ULK4: variants seen among roughly 807,000 people sequenced by gnomAD.
ULK4 encodes inactive serine/threonine-protein kinase ULK4.
ULK4 carries 133 observed loss-of-function variants against 160.6 expected under a neutral mutation model. That is an observed-to-expected ratio of 0.83 (90% confidence interval 0.72 to 0.96). ULK4 has a LOEUF of 0.96. ULK4 is among the 40% of genes least tolerant of loss of function. The probability of loss-of-function intolerance (pLI) is 0.00; values close to 1 mark genes in which losing one functional copy is unlikely to be tolerated. For missense variants in ULK4, 1,580 were observed against 1,499.5 expected (o/e 1.05, Z -0.89); for synonymous variants, 534 against 539.8 (o/e 0.99, Z 0.15).
chr3:41,282,182 C>G (rs902364361), intron 35 of ULK4, among the ~76,000 whole-genome samples: 27 of 152,216 alleles, frequency 1.8e-4, no homozygotes, highest in African/African-American at 6.5e-4. Context: ...ACATTCCATC[C>G]TCATGGATAG....
At chr3:41,664,523 G>A (rs577228422) in intron 29 of ULK4, among the ~76,000 whole-genome samples, 2 of 152,130 alleles carry the variant, frequency 1.3e-5, no homozygotes, top group Admixed American at 1.3e-4. Context: ...TTTTTATGAG[G>A]GGATGGTCAT....
chr3:41,303,855 C>T (rs1262327989), intron 35 of ULK4, among the ~76,000 whole-genome samples: 11 of 151,306 alleles, frequency 7.3e-5, no homozygotes, highest in Non-Finnish European at 8.8e-5. Flanking sequence ...CACAAGAGGT[C>T]GGGGCAGGGT....
rs370870905 is a variant in ULK4, at chr3:41,800,133, G to A, written c.2009C>T (p.Ser670Leu). The A allele has an allele frequency of 4.6e-5, 73 of 1,590,822 alleles. No individual in the cohort carries two copies. The highest frequency in any genetic ancestry group is 2.9e-4 in the East Asian group (13 of 44,164). ...TADSLRITAV[S>L]ALCRITRHSP... Reference sequence around the variant, plus strand: ...CCCCCAAAAGATGCTTCATCTTACCGATACTGCTGTTATCCTAAGAGAATC... The same window carrying A: ...CCCCCAAAAGATGCTTCATCTTACCAATACTGCTGTTATCCTAAGAGAATC... Residue 670 changes from serine (S) to leucine (L), a missense_variant and splice_region_variant, in exon 20 of 37, where the codon TCG becomes TTG. Physicochemically the swap from Ser to Leu is moderately radical, Grantham distance 145. Coordinates refer to ENST00000301831, the MANE Select transcript of ULK4 (RefSeq NM_017886.4).
At chr3:41,586,072 T>C (rs1339390539) in intron 31 of ULK4, among the ~76,000 whole-genome samples, 1 of 152,178 alleles carries the variant, frequency 6.6e-6, no homozygotes, top group Non-Finnish European at 1.5e-5. Flanking sequence ...GTGTAACCAT[T>C]ATGGAAAACA....
chr3:41,935,724 A>C, intron 4 of ULK4, 77 bp downstream of exon 4: 1 of 1,490,744 alleles, frequency 6.7e-7, no homozygotes, highest in Non-Finnish European at 9.0e-7. Context: ...ATTTTATCCA[A>C]AAATAACAAC....
chr3:41,788,456 G>C (rs1338002798), intron 21 of ULK4, among the ~76,000 whole-genome samples: 1 of 152,106 alleles, frequency 6.6e-6, no homozygotes, highest in Non-Finnish European at 1.5e-5. Context: ...AGGCCAAGGA[G>C]GGCGGATCAC....
At chr3:41,542,042 T>G (rs187316961) in intron 32 of ULK4, among the ~76,000 whole-genome samples, 9 of 152,350 alleles carry the variant, frequency 5.9e-5, no homozygotes, top group African/African-American at 1.9e-4. Context: ...GGCCAGAACT[T>G]CCAATATTAT....
intron 17 of ULK4, among the ~76,000 whole-genome samples, chr3:41,873,574 G>T (rs774490576): frequency 6.6e-6 from 1 of 152,036 alleles, no homozygotes; most frequent in Non-Finnish European, 1.5e-5. Flanking sequence ...TTGTTTTCGA[G>T]ATGGAGTCTC....
chr3:41,449,886 A>G (rs987542309), intron 34 of ULK4, among the ~76,000 whole-genome samples: 1 of 148,560 alleles, frequency 6.7e-6, no homozygotes, highest in Admixed American at 6.9e-5. Flanking sequence ...CCAGTTATCT[A>G]GTATAGCCAC....
intron 2 of ULK4, among the ~76,000 whole-genome samples, chr3:41,946,428 T>C (rs1717027): frequency 0.68 from 104,151 of 152,092 alleles, 39,197 homozygotes; most frequent in East Asian, 0.83. Flanking sequence ...TCTGGAGGAA[T>C]AGACAGACTG....
At position 41,832,555 on chromosome 3, in the gene ULK4, T is replaced by A. The variant is rs560376979; in HGVS notation, c.1764+3309A>T. On this transcript the variant is annotated intron_variant, in intron 18 of 36. Coordinates refer to ENST00000301831, the MANE Select transcript of ULK4 (RefSeq NM_017886.4). ...GCTCTTTAGTTTAATTAGATCCCAT[T>A]TGTCAATTTTGGGTTTTGATGCCAT... Among the ~76,000 whole-genome samples the A allele has an allele frequency of 2.6e-5, 4 of 152,258 alleles. 1 individual carries two copies. The highest frequency in any genetic ancestry group is 1.3e-4 in the Admixed American group (2 of 15,288).
chr3:41,676,594 T>TAA lies in ULK4; in HGVS notation c.2978+4912_2978+4913dup, dbSNP rs76058087. Among the ~76,000 whole-genome samples, 9 of 147,846 alleles carry TAA rather than the reference T, an allele frequency of 6.1e-5. No homozygotes were observed. In the East Asian group the frequency reaches 1.8e-3, roughly 29 times the overall value. ...TACATGACTTACAAACTTCTTCAGT[T>TAA]AAAAAAAAAAAATTCTGAAATTCTT... On this transcript the variant is annotated intron_variant, in intron 29 of 36. Coordinates refer to ENST00000301831, the MANE Select transcript of ULK4 (RefSeq NM_017886.4).
At chr3:41,794,685 A>AAAAAAAAAAC (rs1553654846) in intron 20 of ULK4, among the ~76,000 whole-genome samples, 13 of 129,084 alleles carry the variant, frequency 1.0e-4, no homozygotes, top group East Asian at 2.1e-4. Flanking sequence ...AAAAAAAAAA[A>AAAAAAAAAAC]ACACAGAAAA....
chr3:41,457,338 G>A (rs1379050176), intron 33 of ULK4, among the ~76,000 whole-genome samples: 3 of 152,124 alleles, frequency 2.0e-5, no homozygotes, highest in Non-Finnish European at 2.9e-5. Context: ...TGGTCCTCCA[G>A]ATCCTCCAAG....
At chr3:41,578,163 G>T (rs1282671306) in intron 31 of ULK4, among the ~76,000 whole-genome samples, 2 of 152,102 alleles carry the variant, frequency 1.3e-5, no homozygotes, top group East Asian at 1.9e-4. Context: ...TTACAGTCAG[G>T]GTTGAAATTT....
intron 32 of ULK4, 123 bp from the exon 33 acceptor site, chr3:41,463,376 C>T (rs1162568547): frequency 2.3e-6 from 2 of 861,438 alleles, no homozygotes; most frequent in Non-Finnish European, 3.4e-6. Flanking sequence ...TTAAACTATA[C>T]TCTTATCAGA....
chr3:41,832,362 T>G (rs971706111), intron 18 of ULK4, among the ~76,000 whole-genome samples: 1 of 152,358 alleles, frequency 6.6e-6, no homozygotes, highest in South Asian at 2.1e-4. Context: ...TCTGTTCATA[T>G]CCTTTGCCCA....
At chr3:41,862,005 T>A (rs998246069) in intron 17 of ULK4, among the ~76,000 whole-genome samples, 2 of 151,820 alleles carry the variant, frequency 1.3e-5, no homozygotes, top group Non-Finnish European at 2.9e-5. Context: ...AGAGACGGGG[T>A]TTCACCATGT....
intron 27 of ULK4, among the ~76,000 whole-genome samples, chr3:41,690,597 G>C (rs2036263307): frequency 6.6e-6 from 1 of 151,096 alleles, no homozygotes; most frequent in African/African-American, 2.4e-5. Context: ...TCTTTTCTTA[G>C]CTCTCCCACC....
Sources: gnomAD v4.1 joint callset for allele counts (sites outside exome capture counted in the v4.1 genomes callset) on GRCh38, gnomAD v4.1.1 for gene constraint, MANE v1.5 for transcripts, NCBI Gene and HGNC (gene_info 2026-07-23, HGNC 2026-07-21) for gene names.